SPIRE1: variants seen among roughly 807,000 people sequenced by gnomAD.
SPIRE1 encodes spire type actin nucleation factor 1, also known as protein spire homolog 1.
SPIRE1 carries 40 observed loss-of-function variants against 94.1 expected under a neutral mutation model. The observed-to-expected ratio is 0.43, with a 90% CI of 0.33 to 0.55. SPIRE1 has a LOEUF of 0.55. SPIRE1 is among the 20% of genes least tolerant of loss of function. The probability of loss-of-function intolerance (pLI) is 0.06; values close to 1 mark genes in which losing one functional copy is unlikely to be tolerated. For missense variants in SPIRE1, 838 were observed against 975.2 expected, an observed-to-expected ratio of 0.86 and a Z score of 1.87; for synonymous variants, 376 against 371.7, an observed-to-expected ratio of 1.01 and a Z score of -0.13.
At chr18:12,538,765 G>T (rs1241912708) in intron 3 of SPIRE1, among the ~76,000 whole-genome samples, 1 of 152,130 alleles carries the variant, frequency 6.6e-6, no homozygotes, top group African/African-American at 2.4e-5. Context: ...TCCTGCCTCA[G>T]CCTCCTGAAT....
At chr18:12,554,729 C>T (rs2035451236) in intron 2 of SPIRE1, among the ~76,000 whole-genome samples, 1 of 152,098 alleles carries the variant, frequency 6.6e-6, no homozygotes, top group African/African-American at 2.4e-5. Flanking sequence ...AATATTAATG[C>T]AAAAATCCTC....
In SPIRE1 at chr18:12,535,580, T is replaced by A. The variant is rs754764903; in HGVS notation, c.625A>T (p.Thr209Ser). 1.2e-6 allele frequency: 2 copies of A among 1,612,978 alleles called. No individual in the cohort carries two copies. The highest frequency in any genetic ancestry group is 3.3e-5 in the Admixed American group (2 of 59,996). ...TAATGATTTGGTGCATCTGATTCAG[T>A]AGGGAGATGAGCAGCACACAACTAT... ...VMKLCAAHLP[T>S]ESDAPNHYQA... The change falls in exon 4 of 17, where the codon ACT becomes TCT. Residue 209 changes from threonine to serine, a missense_variant. Around this residue, in one of 2 missense-constraint regions of SPIRE1, gnomAD observed 645 missense variants for 804.7 expected, o/e 0.80. Transcript: ENST00000409402.
chr18:12,509,088 C>G (rs1332424842), intron 5 of SPIRE1, among the ~76,000 whole-genome samples: 2 of 152,216 alleles, frequency 1.3e-5, no homozygotes, highest in Non-Finnish European at 2.9e-5. Flanking sequence ...AGACAACTGT[C>G]ATCATATGCA....
chr18:12,630,130 A>T (rs1443282215), intron 2 of SPIRE1, among the ~76,000 whole-genome samples: 1 of 152,238 alleles, frequency 6.6e-6, no homozygotes, highest in African/African-American at 2.4e-5. Flanking sequence ...TTTATGTACT[A>T]CAAAAACTAT....
At chr18:12,476,019 C>A (rs1230465668) in intron 10 of SPIRE1, among the ~76,000 whole-genome samples, 1 of 152,178 alleles carries the variant, frequency 6.6e-6, no homozygotes, top group Non-Finnish European at 1.5e-5. Context: ...TTACAACAGA[C>A]CTTCTTCTGA....
chr18:12,583,310 AAAG>A (rs2036305259), intron 2 of SPIRE1, among the ~76,000 whole-genome samples: 1 of 152,334 alleles, frequency 6.6e-6, no homozygotes, highest in Middle Eastern at 3.4e-3. Flanking sequence ...CTTTATATTT[AAAG>A]AAGAAAAAGG....
chr18:12,641,541 G>A (rs1187128913), intron 1 of SPIRE1, among the ~76,000 whole-genome samples: 1 of 151,792 alleles, frequency 6.6e-6, no homozygotes, highest in Admixed American at 6.6e-5. Context: ...GCTAATGTTT[G>A]TATTTTTAGT....
chr18:12,640,771 T>C (rs2038062704), intron 1 of SPIRE1, among the ~76,000 whole-genome samples: 2 of 151,978 alleles, frequency 1.3e-5, no homozygotes, highest in South Asian at 4.2e-4. Flanking sequence ...TGGGAAGTGT[T>C]TGGTGGATGA....
intron 1 of SPIRE1, among the ~76,000 whole-genome samples, chr18:12,648,659 GC>G (rs890525031): frequency 1.4e-4 from 22 of 152,206 alleles, no homozygotes; most frequent in African/African-American, 5.3e-4. Flanking sequence ...GGAGGCCGAG[GC>G]GGACAGATCA....
chr18:12,575,344 G>GA (rs2036067421), intron 2 of SPIRE1, among the ~76,000 whole-genome samples: 2 of 151,818 alleles, frequency 1.3e-5, no homozygotes, highest in African/African-American at 4.8e-5. Flanking sequence ...TCTCAAAAAA[G>GA]AAAAATCTTC....
At chr18:12,524,840 ATGG>A (rs1046327021) in intron 4 of SPIRE1, among the ~76,000 whole-genome samples, 4 of 152,066 alleles carry the variant, frequency 2.6e-5, no homozygotes, top group African/African-American at 4.8e-5. Context: ...TCAGCCAACC[ATGG>A]TGGTGAACAC....
chr18:12,589,722 C>A (rs1173818983), intron 2 of SPIRE1, among the ~76,000 whole-genome samples: 1 of 152,172 alleles, frequency 6.6e-6, no homozygotes, highest in Non-Finnish European at 1.5e-5. Flanking sequence ...ATCCAACTGC[C>A]AATTCCTTCT....
intron 1 of SPIRE1, among the ~76,000 whole-genome samples, chr18:12,656,231 T>C (rs768104757): frequency 2.8e-4 from 43 of 151,120 alleles, no homozygotes; most frequent in Non-Finnish European, 5.9e-4. Flanking sequence ...GTATCTTTTG[T>C]ACCATTTAAT....
intron 12 of SPIRE1, among the ~76,000 whole-genome samples, chr18:12,457,183 T>C (rs1012927780): frequency 2.6e-5 from 4 of 152,196 alleles, no homozygotes; most frequent in African/African-American, 9.7e-5. Context: ...TCTTGTTCTT[T>C]TTTAAAAATT....
Position 12,589,438 on chromosome 18 carries a change from G to A in SPIRE1, c.373-42534C>T, listed in dbSNP as rs148923223. ...GGCCGCCCACTCTGCCAGGGTGTCC[G>A]GTGGAGAAAGCAGGCATACTCTTTC... On this transcript the variant is annotated intron_variant, in intron 2 of 16. Transcript: ENST00000409402. Among the ~76,000 whole-genome samples, 546 of 152,262 alleles carry A rather than the reference G, an allele frequency of 3.6e-3. 4 individuals carry two copies. Among genetic ancestry groups the A allele is most frequent in the South Asian group, 0.02 (98 of 4,826 alleles).
chr18:12,588,213 A>G (rs1318709976), intron 2 of SPIRE1, among the ~76,000 whole-genome samples: 2 of 152,200 alleles, frequency 1.3e-5, no homozygotes, highest in Non-Finnish European at 2.9e-5. Flanking sequence ...TCATCCATTC[A>G]TCAGTTGATA....
At chr18:12,536,919 A>G (rs2034860163) in intron 3 of SPIRE1, among the ~76,000 whole-genome samples, 1 of 152,228 alleles carries the variant, frequency 6.6e-6, no homozygotes, top group Admixed American at 6.5e-5. Context: ...CACTAATACA[A>G]TAACTAAAAA....
At chr18:12,505,883 A>G (rs2033816251) in intron 6 of SPIRE1, among the ~76,000 whole-genome samples, 1 of 152,196 alleles carries the variant, frequency 6.6e-6, no homozygotes, top group South Asian at 2.1e-4. Context: ...ACAACCAGTA[A>G]TAAAACAAAG....
intron 3 of SPIRE1, among the ~76,000 whole-genome samples, chr18:12,539,587 G>GCA (rs57030414): frequency 0.034 from 4,730 of 138,902 alleles, 81 homozygotes; most frequent in East Asian, 0.063. Context: ...ACACACACAC[G>GCA]CACACACACA....
Sources: gnomAD v4.1 joint callset for allele counts (sites outside exome capture counted in the v4.1 genomes callset) on GRCh38, gnomAD v4.1.1 for gene constraint, gnomAD v4.1.1 regional missense constraint, MANE v1.5 for transcripts, NCBI Gene and HGNC (gene_info 2026-07-23, HGNC 2026-07-21) for gene names.